Variants in RIMS2 observed in about 807,000 individuals in gnomAD.
The protein encoded by RIMS2 is regulating synaptic membrane exocytosis protein 2.
RIMS2 carries 59 observed loss-of-function variants against 174.4 expected under a neutral mutation model. The observed-to-expected ratio is 0.34, with a 90% CI of 0.27 to 0.42. RIMS2 has a LOEUF of 0.42. RIMS2 is among the 10% of genes least tolerant of loss of function. RIMS2 has a pLI of 1.00. For missense variants in RIMS2, 1,620 were observed against 1,666.3 expected (o/e 0.97, Z 0.48); for synonymous variants, 606 against 572.5 (o/e 1.06, Z -0.84).
chr8:103,834,050 C>A (rs1321604316), intron 3 of RIMS2, among the ~76,000 whole-genome samples: 1 of 151,988 alleles, frequency 6.6e-6, no homozygotes, highest in African/African-American at 2.4e-5. Context: ...TACTCTGTTG[C>A]CCAGGTTGAA....
intron 4 of RIMS2, among the ~76,000 whole-genome samples, chr8:103,890,995 A>C (rs2099241440): frequency 6.6e-6 from 1 of 151,914 alleles, no homozygotes; most frequent in South Asian, 2.1e-4. Context: ...TGCCAGTAGC[A>C]CCCCTAATCA....
chr8:104,103,433 G>A (rs78814530), intron 19 of RIMS2, among the ~76,000 whole-genome samples: 4,519 of 152,192 alleles, frequency 0.03, 191 homozygotes, highest in African/African-American at 0.099. Flanking sequence ...AAAAAAGTGA[G>A]GGAAGGAGAA....
rs71575988 is a variant in RIMS2 at position 103,967,170 on chromosome 8, G to GTTTT, written c.2770+6064_2770+6067dup. 7.0e-3 allele frequency among the ~76,000 whole-genome samples: 175 copies of GTTTT among 24,972 alleles called. 43 individuals carry two copies. The highest frequency in any genetic ancestry group is 0.011 in the African/African-American group (54 of 4,740). 16.4% of individuals were successfully genotyped at this position (24,972 alleles called of 152,430 possible). ...TTTTCTGCCTGCTTGATCTGTTCTT[G>GTTTT]TTTTTTTTTTTTTTTTTTTTTTTTT... On this transcript the variant is annotated intron_variant, in intron 15 of 23. Transcript: ENST00000504942.
At chr8:103,642,956 A>G (rs780898065) in intron 1 of RIMS2, among the ~76,000 whole-genome samples, 1 of 151,854 alleles carries the variant, frequency 6.6e-6, no homozygotes, top group Non-Finnish European at 1.5e-5. Context: ...GGTGTTTGTC[A>G]TTAATTTTAG....
chr8:104,092,142 A>G (rs1239841731), intron 19 of RIMS2, among the ~76,000 whole-genome samples: 1 of 151,806 alleles, frequency 6.6e-6, no homozygotes, highest in Non-Finnish European at 1.5e-5. Flanking sequence ...CAATCAACAG[A>G]TCACTTATAT....
chr8:104,079,850 A>C (rs1566235312), intron 19 of RIMS2, among the ~76,000 whole-genome samples: 1 of 151,630 alleles, frequency 6.6e-6, no homozygotes, highest in South Asian at 2.1e-4. Context: ...CTTGGCCACA[A>C]TAAGCACTCA....
intron 19 of RIMS2, chr8:104,093,612 T>C (rs778999229): frequency 7.5e-6 from 12 of 1,596,920 alleles, no homozygotes; most frequent in Non-Finnish European, 1.0e-5. Flanking sequence ...GTCTGTCCAA[T>C]CAGAACGCCC....
intron 3 of RIMS2, among the ~76,000 whole-genome samples, chr8:103,842,009 CA>C (rs1564867706): frequency 6.6e-6 from 1 of 151,950 alleles, no homozygotes; most frequent in Non-Finnish European, 1.5e-5. Flanking sequence ...TTATGTCTTA[CA>C]CTTATTCAGC....
intron 1 of RIMS2, among the ~76,000 whole-genome samples, chr8:103,614,115 A>G (rs1489608636): frequency 6.6e-6 from 1 of 152,182 alleles, no homozygotes; most frequent in South Asian, 2.1e-4. Flanking sequence ...TTGCCTAGGA[A>G]TTGCAGTCCT....
chr8:103,535,530 G>A (rs57252025), intron 1 of RIMS2, among the ~76,000 whole-genome samples: 10,020 of 152,220 alleles, frequency 0.066, 402 homozygotes, highest in South Asian at 0.088. Context: ...TTGAATGCCC[G>A]CAGAGCTTTG....
intron 1 of RIMS2, among the ~76,000 whole-genome samples, chr8:103,622,607 A>G (rs1489494008): frequency 6.6e-6 from 1 of 152,220 alleles, no homozygotes; most frequent in Non-Finnish European, 1.5e-5. Context: ...AATCTCATAC[A>G]TACAGATGCA....
exon 8 of RIMS2, chr8:103,916,446 C>T: frequency 1.2e-6 from 2 of 1,608,802 alleles, no homozygotes; most frequent in Non-Finnish European, 1.7e-6. Context: ...TGGAAGACTA[C>T]TGCAAGGAGC....
intron 19 of RIMS2, among the ~76,000 whole-genome samples, chr8:104,219,470 G>C (rs549162950): frequency 7.9e-5 from 12 of 152,310 alleles, no homozygotes; most frequent in African/African-American, 2.6e-4. Flanking sequence ...CAGGATTGAT[G>C]TAAGAATTAA....
chr8:103,976,520 T>C (rs1460006258), intron 16 of RIMS2: 3 of 152,002 alleles, frequency 2.0e-5, no homozygotes, highest in East Asian at 1.9e-4. Context: ...ATCAGAATAC[T>C]AATTTTTTTC....
At chr8:103,565,644 G>A (rs1390123616) in intron 1 of RIMS2, among the ~76,000 whole-genome samples, 1 of 152,196 alleles carries the variant, frequency 6.6e-6, no homozygotes, top group African/African-American at 2.4e-5. Flanking sequence ...ATAAAAAGGA[G>A]CAAGTTGAGA....
chr8:103,768,622 A>G, intron 3 of RIMS2: 1 of 1,013,076 alleles, frequency 9.9e-7, no homozygotes, highest in Non-Finnish European at 1.6e-6. Flanking sequence ...GGTTATTGTA[A>G]AAAAAGGAGA....
intron 19 of RIMS2, among the ~76,000 whole-genome samples, chr8:104,135,768 G>T (rs970347672): frequency 1.3e-5 from 2 of 152,126 alleles, no homozygotes; most frequent in Non-Finnish European, 2.9e-5. Context: ...TGTTTGAAAT[G>T]ATGGGCTGTG....
At chr8:103,694,669 G>C (rs1030243623) in intron 1 of RIMS2, among the ~76,000 whole-genome samples, 1 of 151,956 alleles carries the variant, frequency 6.6e-6, no homozygotes, top group Non-Finnish European at 1.5e-5. Context: ...CCTGGGCTAC[G>C]GGGGCTGGTT....
At chr8:104,122,501 A>C (rs1272955990) in intron 19 of RIMS2, among the ~76,000 whole-genome samples, 1 of 152,162 alleles carries the variant, frequency 6.6e-6, no homozygotes, top group African/African-American at 2.4e-5. Context: ...AATAGCAATG[A>C]CATCAGTGCT....
Sources: allele counts gnomAD v4.1 joint callset (sites outside exome capture counted in the v4.1 genomes callset), GRCh38; gene constraint gnomAD v4.1.1; transcripts MANE v1.5; gene names NCBI Gene and HGNC (gene_info 2026-07-23, HGNC 2026-07-21).